Variants in SMCHD1 observed in about 807,000 individuals in gnomAD.
SMCHD1 encodes structural maintenance of chromosomes flexible hinge domain-containing protein 1.
A neutral mutation model predicts 254.7 loss-of-function variants in SMCHD1; 78 were observed. The ratio of observed to expected loss-of-function variants is 0.31; its 90% CI spans 0.26 to 0.37. The LOEUF is 0.37. Ranked by LOEUF, SMCHD1 falls within the 10% of genes least tolerant of loss-of-function variation. The pLI, the probability that SMCHD1 is intolerant of heterozygous loss-of-function variation, is 1.00. For synonymous variants in SMCHD1, 766 were observed against 794.9 expected (o/e 0.96, Z 0.61); for missense variants, 1,840 against 2,408.1 (o/e 0.76, Z 4.94).
intron 45 of SMCHD1, among the ~76,000 whole-genome samples, chr18:2,795,641 C>CGGG (rs2143859588): frequency 6.6e-6 from 1 of 152,262 alleles, no homozygotes; most frequent in South Asian, 2.1e-4. Flanking sequence ...TACTGAATAT[C>CGGG]AGACAAGATA....
intron 47 of SMCHD1, among the ~76,000 whole-genome samples, chr18:2,799,597 T>C (rs1415640853): frequency 6.6e-6 from 1 of 152,216 alleles, no homozygotes; most frequent in Non-Finnish European, 1.5e-5. Context: ...CTTCCTTCTC[T>C]ATATGGGTCT....
At chr18:2,703,550 G>T in intron 12 of SMCHD1, 142 bp from the exon 13 acceptor site, 1 of 639,582 alleles carries the variant, frequency 1.6e-6, no homozygotes. Context: ...ACAGAGGAAG[G>T]ATCCAGCAGA....
chr18:2,786,276 C>T (rs947506426), intron 45 of SMCHD1, among the ~76,000 whole-genome samples: 1 of 152,204 alleles, frequency 6.6e-6, no homozygotes, highest in African/African-American at 2.4e-5. Flanking sequence ...AGGCGTGAGG[C>T]ACCGTGTCTG....
chr18:2,693,087 A>G (rs2074214112), intron 7 of SMCHD1, among the ~76,000 whole-genome samples: 1 of 152,250 alleles, frequency 6.6e-6, no homozygotes, highest in Admixed American at 6.5e-5. Flanking sequence ...TGTTTTTTAA[A>G]TCAGAAATTT....
At position 2,769,759 on chromosome 18, in the gene SMCHD1, C is replaced by T; in HGVS notation, c.4785C>T (p.Pro1595=). Residue 1595 remains proline, a synonymous_variant, in exon 38 of 48, where the codon CCC becomes CCT. Transcript: ENST00000320876. ...CTGAATATTTTATTGTATTTGAGCC[C>T]CGGCTACCACTTTTATCAAGAACCT... ...DSTEYFIVFE[P]RLPLLSRTLE... 6.2e-7 allele frequency: 1 copy of T among 1,603,476 alleles called. No individual in the cohort carries two copies. Among genetic ancestry groups the T allele is most frequent in the African/African-American group, 1.3e-5 (1 of 74,874 alleles).
chr18:2,698,894 A>G (rs2074340554), intron 10 of SMCHD1, among the ~76,000 whole-genome samples: 1 of 151,856 alleles, frequency 6.6e-6, no homozygotes, highest in Non-Finnish European at 1.5e-5. Flanking sequence ...TTGTAGCTTT[A>G]TCTTGTAATT....
intron 20 of SMCHD1, 141 bp from the exon 21 acceptor site, chr18:2,724,758 T>C (rs2074992254): frequency 2.3e-6 from 1 of 430,344 alleles, no homozygotes; most frequent in South Asian, 6.5e-5. Context: ...CATTGGAATT[T>C]TTTTCTGTTT....
At chr18:2,765,809 ATAAAG>A (rs1247656699) in intron 37 of SMCHD1, among the ~76,000 whole-genome samples, 2 of 152,188 alleles carry the variant, frequency 1.3e-5, no homozygotes, top group Non-Finnish European at 2.9e-5. Flanking sequence ...ATAGTGGAGA[ATAAAG>A]TAAGATTTTC....
chr18:2,792,886 C>G lies in SMCHD1; in HGVS notation c.5720-3063C>G, dbSNP rs576482467. ...GTGATGATCTCTCATGGACCTGTCA[C>G]CTAGCTTTGATTATTAAAACATAGC... On this transcript the variant is annotated intron_variant, in intron 45 of 47. Coordinates refer to ENST00000320876, the MANE Select transcript of SMCHD1 (RefSeq NM_015295.3). Among the ~76,000 whole-genome samples the G allele has an allele frequency of 1.8e-3, 275 of 152,220 alleles. 3 individuals carry two copies. The highest frequency in any genetic ancestry group is 1.5e-3 in the South Asian group (7 of 4,824).
At chr18:2,758,088 A>G (rs909401153) in intron 34 of SMCHD1, among the ~76,000 whole-genome samples, 14 of 152,242 alleles carry the variant, frequency 9.2e-5, no homozygotes, top group African/African-American at 3.1e-4. Context: ...TTTTAAGTGT[A>G]TCTTTTGTAA....
intron 21 of SMCHD1, among the ~76,000 whole-genome samples, chr18:2,725,847 G>T (rs2075017565): frequency 6.6e-6 from 1 of 151,672 alleles, no homozygotes; most frequent in South Asian, 2.1e-4. Context: ...TTTTTATTTT[G>T]AAATAACTTT....
chr18:2,719,438 AG>A (rs1027079973), intron 19 of SMCHD1, among the ~76,000 whole-genome samples: 4 of 151,846 alleles, frequency 2.6e-5, no homozygotes, highest in Non-Finnish European at 5.9e-5. Flanking sequence ...CTGAGATTAC[AG>A]GTGCCCACCA....
At chr18:2,713,676 T>TC (rs1447307822) in intron 17 of SMCHD1, among the ~76,000 whole-genome samples, 1 of 152,144 alleles carries the variant, frequency 6.6e-6, no homozygotes, top group Admixed American at 6.5e-5. Flanking sequence ...AGAGTGACAC[T>TC]CCATCTCAAA....
intron 17 of SMCHD1, among the ~76,000 whole-genome samples, chr18:2,709,914 G>GT (rs2074629085): frequency 6.6e-6 from 1 of 152,152 alleles, no homozygotes. Context: ...CAAACAATTA[G>GT]TTTCTTTTTT....
chr18:2,751,130 T>C (rs553967205), intron 32 of SMCHD1, 148 bp from the exon 33 acceptor site: 20 of 548,334 alleles, frequency 3.6e-5, no homozygotes, highest in Middle Eastern at 5.0e-4. Context: ...CTAGAATTTA[T>C]ACATTTCTTC....
intron 10 of SMCHD1, among the ~76,000 whole-genome samples, chr18:2,698,679 TTC>T (rs899887899): frequency 2.8e-4 from 11 of 39,896 alleles, no homozygotes; most frequent in South Asian, 3.5e-3. Flanking sequence ...CCACCTTTTT[TTC>T]CCCCCCCAGT....
At chr18:2,782,515 A>G (rs147326793) in intron 44 of SMCHD1, among the ~76,000 whole-genome samples, 146 of 152,114 alleles carry the variant, frequency 9.6e-4, no homozygotes, top group African/African-American at 3.4e-3. Context: ...CAAGGCAGGA[A>G]TATCACTTGA....
chr18:2,711,223 C>G (rs1362860315), intron 17 of SMCHD1, among the ~76,000 whole-genome samples: 1 of 151,754 alleles, frequency 6.6e-6, no homozygotes, highest in Admixed American at 6.6e-5. Flanking sequence ...AGCCTCACCT[C>G]CTTATGCACC....
At chr18:2,661,815 A>T (rs558764802) in intron 1 of SMCHD1, among the ~76,000 whole-genome samples, 2 of 152,308 alleles carry the variant, frequency 1.3e-5, no homozygotes, top group Admixed American at 1.3e-4. Flanking sequence ...AGGCTAAATG[A>T]ACTATTATAT....
Sources: allele counts gnomAD v4.1 joint callset (sites outside exome capture counted in the v4.1 genomes callset), GRCh38; gene constraint gnomAD v4.1.1; transcripts MANE v1.5; gene names NCBI Gene and HGNC (gene_info 2026-07-23, HGNC 2026-07-21).